PPARGC1A: variants seen among roughly 807,000 people sequenced by gnomAD.
The protein encoded by PPARGC1A is peroxisome proliferator-activated receptor gamma coactivator 1-alpha.
PPARGC1A carries 25 observed loss-of-function variants against 88.7 expected under a neutral mutation model. The ratio of observed to expected loss-of-function variants is 0.28; its 90% CI spans 0.21 to 0.39. The LOEUF is 0.39. PPARGC1A is among the 10% of genes least tolerant of loss of function. The pLI is 1.00. For missense variants in PPARGC1A, 880 were observed against 968.7 expected (o/e 0.91, Z 1.22); for synonymous variants, 363 against 355.6 (o/e 1.02, Z -0.24).
the PPARGC1A span, among the ~76,000 whole-genome samples, chr4:24,074,705 C>T: frequency 6.6e-6 from 1 of 152,106 alleles, no homozygotes; most frequent in Non-Finnish European, 1.5e-5. Flanking sequence ...TCTGTCGGTG[C>T]TAACTCCCAG....
the PPARGC1A span, among the ~76,000 whole-genome samples, chr4:24,433,721 A>G: frequency 6.6e-6 from 1 of 152,138 alleles, no homozygotes; most frequent in African/African-American, 2.4e-5. Context: ...TCCTCTGCCA[A>G]TGCAGAGGGT....
chr4:23,828,735 A>C, intron 4 of PPARGC1A, 131 bp from the exon 5 acceptor site: 1 of 750,260 alleles, frequency 1.3e-6, no homozygotes, highest in Non-Finnish European at 2.2e-6. Flanking sequence ...ATGAGCTGTG[A>C]ATAACTGTTT....
the PPARGC1A span, among the ~76,000 whole-genome samples, chr4:23,933,364 C>T: frequency 6.6e-6 from 1 of 152,270 alleles, no homozygotes; most frequent in African/African-American, 2.4e-5. Context: ...ATATCTGATG[C>T]CTGGTAAGTT....
intron 12 of PPARGC1A, among the ~76,000 whole-genome samples, 154 bp downstream of exon 12, chr4:23,801,576 C>A (rs1373964122): frequency 6.6e-6 from 1 of 152,180 alleles, no homozygotes. Context: ...TCTTCTGAAA[C>A]TGTCTTATAC....
the PPARGC1A span, among the ~76,000 whole-genome samples, chr4:24,399,552 A>C: frequency 6.6e-6 from 1 of 152,188 alleles, no homozygotes; most frequent in African/African-American, 2.4e-5. Flanking sequence ...TCACCACAGC[A>C]AAAGGACATT....
chr4:24,319,173 T>C, the PPARGC1A span, among the ~76,000 whole-genome samples: 1 of 152,058 alleles, frequency 6.6e-6, no homozygotes, highest in African/African-American at 2.4e-5. Context: ...TAGCAAGACC[T>C]TGTCTCTACA....
chr4:23,806,128 C>G (rs971667956), intron 10 of PPARGC1A, among the ~76,000 whole-genome samples: 13 of 152,126 alleles, frequency 8.5e-5, no homozygotes, highest in African/African-American at 3.1e-4. Flanking sequence ...TCTACCATCT[C>G]TTTTTATGAA....
chr4:24,257,004 G>T, the PPARGC1A span, among the ~76,000 whole-genome samples: 1 of 152,334 alleles, frequency 6.6e-6, no homozygotes, highest in African/African-American at 2.4e-5. Context: ...ACTGTAGGGA[G>T]ATGCAGTAAG....
At chr4:24,115,141 T>C in the PPARGC1A span, among the ~76,000 whole-genome samples, 1 of 152,214 alleles carries the variant, frequency 6.6e-6, no homozygotes, top group Non-Finnish European at 1.5e-5. Context: ...TGTAATATAT[T>C]TCCTTGATAT....
At chr4:24,035,361 T>C in the PPARGC1A span, among the ~76,000 whole-genome samples, 1 of 151,660 alleles carries the variant, frequency 6.6e-6, no homozygotes, top group Admixed American at 6.6e-5. Flanking sequence ...CCAACATGGT[T>C]AAACCCCGTC....
the PPARGC1A span, among the ~76,000 whole-genome samples, chr4:24,020,599 C>T: frequency 7.0e-3 from 1,060 of 152,248 alleles, 8 homozygotes; most frequent in South Asian, 0.022. Flanking sequence ...GATGGGCTCC[C>T]CTTATCTTTC....
chr4:23,943,186 G>T, the PPARGC1A span, among the ~76,000 whole-genome samples: 1 of 152,080 alleles, frequency 6.6e-6, no homozygotes, highest in East Asian at 1.9e-4. Flanking sequence ...TGATTTATCA[G>T]TCAAAATGGG....
chr4:24,288,428 C>T, the PPARGC1A span, among the ~76,000 whole-genome samples: 18 of 152,194 alleles, frequency 1.2e-4, no homozygotes, highest in African/African-American at 4.3e-4. Context: ...CTGTAACAGG[C>T]ATCCGAAACC....
the PPARGC1A span, among the ~76,000 whole-genome samples, chr4:24,067,774 G>A: frequency 2.6e-5 from 4 of 152,278 alleles, no homozygotes; most frequent in African/African-American, 4.8e-5. Context: ...AGCTGATTAC[G>A]GAGTTCCCAT....
chr4:24,114,029 C>G, the PPARGC1A span, among the ~76,000 whole-genome samples: 1 of 146,552 alleles, frequency 6.8e-6, no homozygotes, highest in Non-Finnish European at 1.5e-5. Flanking sequence ...GAGGCTGAGG[C>G]AGGAGAATCT....
chr4:24,279,666 C>T, the PPARGC1A span, among the ~76,000 whole-genome samples: 1 of 152,136 alleles, frequency 6.6e-6, no homozygotes, highest in Non-Finnish European at 1.5e-5. Flanking sequence ...GGTGACAAAG[C>T]TCCACTGACA....
At chr4:23,869,969 A>G (rs35282325) in intron 2 of PPARGC1A, among the ~76,000 whole-genome samples, 23,707 of 152,228 alleles carry the variant, frequency 0.16, 2,474 homozygotes, top group East Asian at 0.33. Context: ...TTTATTCAAG[A>G]AAATTTCAAT....
At chr4:23,852,072 C>T (rs750738186) in intron 2 of PPARGC1A, among the ~76,000 whole-genome samples, 2 of 152,052 alleles carry the variant, frequency 1.3e-5, no homozygotes, top group Non-Finnish European at 2.9e-5. Context: ...TCTACTTGTC[C>T]CCATCATGCA....
the PPARGC1A span, among the ~76,000 whole-genome samples, chr4:23,968,911 CCAAAA>C: frequency 9.2e-4 from 139 of 150,888 alleles, 1 homozygote; most frequent in African/African-American, 3.0e-3. Context: ...AAACTCCATC[CCAAAA>C]CAAAACAAAA....
Sources: allele counts gnomAD v4.1 joint callset (sites outside exome capture counted in the v4.1 genomes callset), GRCh38; gene constraint gnomAD v4.1.1; transcripts MANE v1.5; gene names NCBI Gene and HGNC (gene_info 2026-07-23, HGNC 2026-07-21).